NBEA: variants seen among roughly 807,000 people sequenced by gnomAD.
NBEA encodes the protein lysosomal-trafficking regulator 2.
A neutral mutation model predicts 343.4 loss-of-function variants in NBEA; 44 were observed. The observed-to-expected ratio is 0.13, with a 90% confidence interval of 0.10 to 0.16. The LOEUF is 0.16. Ranked by LOEUF, NBEA falls within the 10% of genes least tolerant of loss-of-function variation. The pLI is 1.00. For missense variants in NBEA, 2,555 were observed against 3,631.3 expected (o/e 0.70, Z 7.62); for synonymous variants, 1,175 against 1,238.7 (o/e 0.95, Z 1.08).
intron 17 of NBEA, among the ~76,000 whole-genome samples, chr13:35,139,754 T>G (rs897827717): frequency 1.3e-4 from 18 of 143,714 alleles, no homozygotes; most frequent in South Asian, 6.8e-4. Context: ...GTTTTTTTTT[T>G]TTTTTTTTTT....
intron 56 of NBEA, among the ~76,000 whole-genome samples, chr13:35,665,921 C>T (rs1176360658): frequency 1.3e-5 from 2 of 152,208 alleles, no homozygotes; most frequent in Non-Finnish European, 2.9e-5. Flanking sequence ...AGCCACCACA[C>T]CCAGCCTCTT....
intron 47 of NBEA, among the ~76,000 whole-genome samples, chr13:35,597,784 G>A (rs1453412298): frequency 2.0e-5 from 3 of 152,194 alleles, no homozygotes; most frequent in East Asian, 1.9e-4. Context: ...GCCTAGGCCC[G>A]GAAGTCACAT....
chr13:35,459,419 T>C (rs987913384), intron 40 of NBEA, among the ~76,000 whole-genome samples: 2 of 152,104 alleles, frequency 1.3e-5, no homozygotes, highest in Non-Finnish European at 2.9e-5. Flanking sequence ...ATTCACTTGC[T>C]CATTTACTTA....
At chr13:35,380,732 G>C (rs1369596341) in intron 38 of NBEA, among the ~76,000 whole-genome samples, 1 of 152,064 alleles carries the variant, frequency 6.6e-6, no homozygotes, top group Non-Finnish European at 1.5e-5. Flanking sequence ...TGCAAATGCT[G>C]TCAGTTTTCT....
At chr13:35,483,817 CTT>C (rs1430277356) in intron 41 of NBEA, among the ~76,000 whole-genome samples, 1 of 152,042 alleles carries the variant, frequency 6.6e-6, no homozygotes, top group Non-Finnish European at 1.5e-5. Flanking sequence ...GAAATACACT[CTT>C]TTTATGGTTT....
intron 34 of NBEA, among the ~76,000 whole-genome samples, chr13:35,264,808 C>G (rs1230343105): frequency 1.3e-5 from 2 of 151,842 alleles, no homozygotes; most frequent in African/African-American, 2.4e-5. Flanking sequence ...CAATTTGAAA[C>G]TTTTTCCTCT....
intron 40 of NBEA, among the ~76,000 whole-genome samples, chr13:35,453,944 A>G (rs981998985): frequency 1.3e-5 from 2 of 152,238 alleles, no homozygotes; most frequent in Non-Finnish European, 2.9e-5. Context: ...AAATCAAATT[A>G]TATGGCTCCT....
In NBEA at chr13:35,276,785, A is replaced by G. The variant is rs560198205; in HGVS notation, c.5777-13604A>G. Among the ~76,000 whole-genome samples, 7 of 152,350 alleles carry G rather than the reference A, an allele frequency of 4.6e-5. No homozygotes were observed. The South Asian group carries it at 1.2e-3, about 27-fold the overall frequency. The stretch of plus-strand genomic sequence containing the variant: ...TGTAGTTCCTAAATGTGAATAGACT[A>G]TAAGATACTAGCCTGAGTTTATTTA... On this transcript the variant is annotated intron_variant, in intron 34 of 58. Coordinates refer to ENST00000379939, the MANE Select transcript of NBEA (RefSeq NM_001385012.1).
At chr13:35,576,301 G>A (rs1409736576) in intron 45 of NBEA, among the ~76,000 whole-genome samples, 3 of 151,678 alleles carry the variant, frequency 2.0e-5, no homozygotes, top group Non-Finnish European at 2.9e-5. Flanking sequence ...ATTTTTAGTA[G>A]AGATGGGGTT....
rs748860907 is a variant in NBEA at position 35,173,591 on chromosome 13, G to T, written c.4551G>T (p.Ser1517=). 1 of 1,591,366 alleles carries T rather than the reference G, an allele frequency of 6.3e-7. No individual in the cohort carries two copies. Among genetic ancestry groups the T allele is most frequent in the East Asian group, 2.2e-5 (1 of 44,602 alleles). ...AAAGTGTGACTGCTACAGCAGCTTC[G>T]AAGGTAAGTAAACTTTTTTTCTTGG... The part of the protein sequence containing the change: ...VPQSVTATAA[S]KTPLENVPGN... Residue 1517 remains serine (S), a synonymous_variant, in exon 27 of 59, where the codon TCG becomes TCT. Coordinates refer to ENST00000379939, the MANE Select transcript of NBEA (RefSeq NM_001385012.1).
chr13:35,670,854 C>T, intron 58 of NBEA, 47 bp from the exon 59 acceptor site: 3 of 1,349,140 alleles, frequency 2.2e-6, no homozygotes, highest in Non-Finnish European at 3.1e-6. Flanking sequence ...ATAGCAACCA[C>T]AGAAATGATT....
chr13:35,079,808 G>C (rs611498), intron 10 of NBEA, among the ~76,000 whole-genome samples: 139,511 of 152,096 alleles, frequency 0.92, 64,114 homozygotes, highest in Admixed American at 0.97. Flanking sequence ...TCACTACTAA[G>C]CTATTCCAAA....
intron 38 of NBEA, among the ~76,000 whole-genome samples, chr13:35,394,282 T>A (rs2042637825): frequency 6.6e-6 from 1 of 152,174 alleles, no homozygotes; most frequent in Non-Finnish European, 1.5e-5. Flanking sequence ...GAAAGGATTG[T>A]CTTTTCAAAA....
intron 35 of NBEA, among the ~76,000 whole-genome samples, chr13:35,305,582 C>A (rs1042826913): frequency 1.3e-5 from 2 of 152,094 alleles, no homozygotes; most frequent in African/African-American, 4.8e-5. Context: ...CCGGGGCATG[C>A]TTAGACCCCT....
intron 1 of NBEA, among the ~76,000 whole-genome samples, chr13:34,958,530 A>AAATTTTTTAAAAAAAAAATT (rs541194395): frequency 5.3e-5 from 8 of 152,020 alleles, no homozygotes; most frequent in Non-Finnish European, 1.2e-4. Context: ...TTGGGTCAGG[A>AAATTTTTTAAAAAAAAAATT]TTTGAAGAAA....
rs963587827 is a variant in NBEA at position 35,284,837 on chromosome 13, A to T, written c.5777-5552A>T. The stretch of plus-strand genomic sequence containing the variant: ...GGAAGACAATTTCATGTTTCAGATT[A>T]AAAAAGTAAAAGAATAGTAGAAAAT... On this transcript the variant is annotated intron_variant, in intron 34 of 58. Coordinates refer to ENST00000379939, the MANE Select transcript of NBEA (RefSeq NM_001385012.1). Among the ~76,000 whole-genome samples, 3 of 152,148 alleles carry T rather than the reference A, an allele frequency of 2.0e-5. 1 individual carries two copies. In the South Asian group the frequency reaches 6.2e-4, roughly 32 times the overall value.
At chr13:35,381,749 C>T (rs2042022880) in intron 38 of NBEA, among the ~76,000 whole-genome samples, 1 of 151,910 alleles carries the variant, frequency 6.6e-6, no homozygotes, top group Non-Finnish European at 1.5e-5. Flanking sequence ...GAGGTCCTGA[C>T]CTGCCTTTGG....
chr13:35,307,243 C>G (rs1437894605), intron 35 of NBEA, among the ~76,000 whole-genome samples: 1 of 151,936 alleles, frequency 6.6e-6, no homozygotes, highest in Non-Finnish European at 1.5e-5. Flanking sequence ...CCTAATATTT[C>G]TCTTGTGGAA....
chr13:35,531,580 G>A (rs2078265496), intron 41 of NBEA, among the ~76,000 whole-genome samples: 1 of 152,048 alleles, frequency 6.6e-6, no homozygotes. Flanking sequence ...TGTATTGTTA[G>A]CTTTCACTGC....
Sources: gnomAD v4.1 joint callset for allele counts (sites outside exome capture counted in the v4.1 genomes callset) on GRCh38, gnomAD v4.1.1 for gene constraint, MANE v1.5 for transcripts, NCBI Gene and HGNC (gene_info 2026-07-23, HGNC 2026-07-21) for gene names.